The following HDAC4 variants were observed in gnomAD, a reference collection of about 807,000 sequenced individuals.
HDAC4 encodes the protein histone deacetylase 4.
HDAC4 carries 16 observed loss-of-function variants against 135.1 expected under a neutral mutation model. The observed-to-expected ratio is 0.12, with a 90% CI of 0.08 to 0.18. HDAC4 has a LOEUF of 0.18. Ranked by LOEUF, HDAC4 falls within the 10% of genes least tolerant of loss-of-function variation. The pLI is 1.00. For missense variants in HDAC4, 1,143 were observed against 1,511.8 expected, an observed-to-expected ratio of 0.76 and a Z score of 4.05; for synonymous variants, 685 against 653.4, an observed-to-expected ratio of 1.05 and a Z score of -0.74.
chr2:239,149,009 T>C (rs1321061883), intron 7 of HDAC4, among the ~76,000 whole-genome samples: 1 of 152,230 alleles, frequency 6.6e-6, no homozygotes, highest in African/African-American at 2.4e-5. Context: ...CACGCTGTAA[T>C]AACGCAGGCG....
chr2:239,369,290 G>A (rs999800720), intron 1 of HDAC4, among the ~76,000 whole-genome samples: 2 of 152,172 alleles, frequency 1.3e-5, no homozygotes, highest in African/African-American at 2.4e-5. Flanking sequence ...ATAAATGGAC[G>A]TCTGGACCAA....
At chr2:239,365,965 C>T (rs1279566121) in intron 1 of HDAC4, among the ~76,000 whole-genome samples, 1 of 150,918 alleles carries the variant, frequency 6.6e-6, no homozygotes, top group African/African-American at 2.4e-5. Flanking sequence ...GACATGCATG[C>T]ACACAGCAGG....
rs1458642433 is a variant in HDAC4, at chr2:239,299,950, C to G, written c.22+52728G>C. Among the ~76,000 whole-genome samples the G allele has an allele frequency of 1.3e-5, 2 of 152,200 alleles. No homozygotes were observed. ...GACAGAGAAGGAAGAGGGGTCCCAT[C>G]AGAGGACTCCCTGCAGTGCTCCATG... On this transcript the variant is annotated intron_variant, in intron 2 of 26. Coordinates refer to ENST00000543185, the MANE Select transcript of HDAC4 (RefSeq NM_001378414.1). This position sits in a 1 kb window ranked among gnomAD's most constrained non-coding sequence, Gnocchi z 4.0.
intron 17 of HDAC4, chr2:239,094,187 G>A: frequency 1.0e-6 from 1 of 985,444 alleles, no homozygotes; most frequent in South Asian, 4.7e-5. Flanking sequence ...GACCATGATG[G>A]CCCGGATCTG....
intron 2 of HDAC4, among the ~76,000 whole-genome samples, chr2:239,344,608 T>TC (rs1346928832): frequency 6.6e-6 from 1 of 152,050 alleles, no homozygotes; most frequent in Non-Finnish European, 1.5e-5. Context: ...CTGATTAAGA[T>TC]CCCAGATAAT....
intron 1 of HDAC4, among the ~76,000 whole-genome samples, chr2:239,355,872 C>A (rs1693460581): frequency 6.6e-6 from 1 of 152,186 alleles, no homozygotes; most frequent in Admixed American, 6.5e-5. Context: ...CGGTTCCTAG[C>A]CAAATGTCCA....
intron 26 of HDAC4, 94 bp from the exon 27 acceptor site, chr2:239,053,230 C>A: frequency 6.6e-7 from 1 of 1,504,502 alleles, no homozygotes; most frequent in Non-Finnish European, 9.1e-7. Context: ...GTGTGCTGCC[C>A]CACCCGCCAG....
At chr2:239,112,841 C>T (rs1401153144) in intron 13 of HDAC4, among the ~76,000 whole-genome samples, 1 of 152,232 alleles carries the variant, frequency 6.6e-6, no homozygotes, top group African/African-American at 2.4e-5. Flanking sequence ...GTACCTACAT[C>T]CCAGCTCCTG....
chr2:239,326,825 C>T (rs1292890583), intron 2 of HDAC4, among the ~76,000 whole-genome samples: 1 of 152,200 alleles, frequency 6.6e-6, no homozygotes, highest in Non-Finnish European at 1.5e-5. Flanking sequence ...TGGTCCGAGA[C>T]CCCCACATCC....
chr2:239,154,561 T>G (rs530658944), intron 7 of HDAC4: 1 of 152,292 alleles, frequency 6.6e-6, no homozygotes, highest in South Asian at 2.1e-4. Context: ...CGGGTAGGCA[T>G]GTTCCTTGCC....
intron 2 of HDAC4, among the ~76,000 whole-genome samples, chr2:239,241,050 A>C (rs2048148885): frequency 6.6e-6 from 1 of 152,196 alleles, no homozygotes; most frequent in Non-Finnish European, 1.5e-5. Context: ...GCAGTTTCCT[A>C]GGATCACGGA....
intron 5 of HDAC4, among the ~76,000 whole-genome samples, chr2:239,169,769 T>C (rs2043338498): frequency 6.6e-6 from 1 of 151,762 alleles, no homozygotes; most frequent in Admixed American, 6.6e-5. Context: ...AGGGTCCTTC[T>C]CCTCAAGGCC....
chr2:239,302,688 C>G (rs2052339806), intron 2 of HDAC4, among the ~76,000 whole-genome samples: 1 of 152,252 alleles, frequency 6.6e-6, no homozygotes, highest in South Asian at 2.1e-4. Flanking sequence ...GCACAGCACC[C>G]TCCACTCTCC....
intron 6 of HDAC4, among the ~76,000 whole-genome samples, chr2:239,157,343 C>G (rs769777299): frequency 2.0e-5 from 3 of 152,248 alleles, no homozygotes; most frequent in Non-Finnish European, 4.4e-5. Context: ...TCACCCTGGT[C>G]ACCTCCCTCT....
intron 1 of HDAC4, among the ~76,000 whole-genome samples, chr2:239,377,750 G>A (rs1480614530): frequency 1.3e-5 from 2 of 152,074 alleles, no homozygotes; most frequent in Non-Finnish European, 2.9e-5. Context: ...AGACCCCCAG[G>A]ACCCTAGAGC....
At chr2:239,197,978 G>T (rs1489270818) in intron 3 of HDAC4, among the ~76,000 whole-genome samples, 1 of 151,706 alleles carries the variant, frequency 6.6e-6, no homozygotes, top group South Asian at 2.1e-4. Context: ...CTTGCCTCCC[G>T]AGTAGCTGGG....
intron 2 of HDAC4, among the ~76,000 whole-genome samples, chr2:239,261,452 G>A (rs2049360715): frequency 6.6e-6 from 1 of 152,184 alleles, no homozygotes; most frequent in Non-Finnish European, 1.5e-5. Context: ...CCTGGGCTCT[G>A]GGAGGTGGGC....
intron 2 of HDAC4, among the ~76,000 whole-genome samples, chr2:239,264,779 T>C (rs1188685958): frequency 6.6e-6 from 1 of 152,136 alleles, no homozygotes; most frequent in Non-Finnish European, 1.5e-5. Context: ...GGTCCCAGGG[T>C]GTAAACACTG....
chr2:239,241,378 C>G (rs2153190833), intron 2 of HDAC4, among the ~76,000 whole-genome samples: 1 of 152,300 alleles, frequency 6.6e-6, no homozygotes, highest in Non-Finnish European at 1.5e-5. Flanking sequence ...TTGTCTTTCC[C>G]AGATGACCAA....
Sources: gnomAD v4.1 joint callset for allele counts (sites outside exome capture counted in the v4.1 genomes callset) on GRCh38, gnomAD v4.1.1 for gene constraint, Gnocchi (gnomAD v3.1) non-coding constraint, MANE v1.5 for transcripts, NCBI Gene and HGNC (gene_info 2026-07-23, HGNC 2026-07-21) for gene names.